The following CAMK4 variants were observed in gnomAD, a reference collection of about 807,000 sequenced individuals.
CAMK4 encodes calcium/calmodulin dependent protein kinase IV, also known as calcium/calmodulin-dependent protein kinase type IV.
In CAMK4, 22 loss-of-function variants were observed where a neutral mutation model predicts 44.9. The observed-to-expected ratio is 0.49, with a 90% confidence interval of 0.35 to 0.70. CAMK4 has a LOEUF of 0.70. Ranked by LOEUF, CAMK4 falls within the 30% of genes least tolerant of loss-of-function variation. The probability of loss-of-function intolerance (pLI) is 0.01; values close to 1 mark genes in which losing one functional copy is unlikely to be tolerated. For missense variants in CAMK4, 498 were observed against 586.8 expected (o/e 0.85, Z 1.56); for synonymous variants, 218 against 215.4 (o/e 1.01, Z -0.11).
chr5:111,301,485 A>G (rs1328732454), intron 1 of CAMK4, among the ~76,000 whole-genome samples: 3 of 152,246 alleles, frequency 2.0e-5, no homozygotes, highest in African/African-American at 4.8e-5. Flanking sequence ...AACTATGTCT[A>G]GTAGGATTAG....
intron 1 of CAMK4, among the ~76,000 whole-genome samples, chr5:111,248,733 T>G (rs1350894439): frequency 6.6e-6 from 1 of 152,176 alleles, no homozygotes; most frequent in Non-Finnish European, 1.5e-5. Flanking sequence ...CAAACAGAGA[T>G]GAGGTTTGCT....
intron 6 of CAMK4, among the ~76,000 whole-genome samples, chr5:111,447,232 G>A (rs532646372): frequency 6.6e-6 from 1 of 152,132 alleles, no homozygotes. Flanking sequence ...TATATGAACA[G>A]AGATAAATTA....
rs147268967 is a variant in CAMK4, at chr5:111,474,598, G to C, written c.701+1212G>C. 4.5e-3 allele frequency among the ~76,000 whole-genome samples: 692 copies of C among 152,142 alleles called. 1 individual carries two copies. The highest frequency in any genetic ancestry group is 7.8e-3 in the Admixed American group (120 of 15,290). ...ATATGGATTTTGGGGTTGGAGGGGG[G>C]AATACAATTCAGTCCGTAGCAGAAT... On this transcript the variant is annotated intron_variant, in intron 8 of 10. Transcript: ENST00000282356.
chr5:111,313,110 C>T (rs1748279320), intron 1 of CAMK4, among the ~76,000 whole-genome samples: 1 of 152,058 alleles, frequency 6.6e-6, no homozygotes, highest in Admixed American at 6.6e-5. Context: ...GTTTCTCAAA[C>T]TCAGCACTGC....
chr5:111,232,646 G>A (rs1748531400), intron 1 of CAMK4, among the ~76,000 whole-genome samples: 1 of 152,102 alleles, frequency 6.6e-6, no homozygotes, highest in Non-Finnish European at 1.5e-5. Context: ...CATTGTGAGA[G>A]AAAAACGTCA....
In CAMK4 at chr5:111,350,463, A is replaced by G. The variant is rs139970092; in HGVS notation, c.240+6361A>G. ...AATGGATACATATTCTCTTATTGCTATCAATAAAATGTAATGTGGCACACA... is the reference window on the plus strand; with the variant it reads ...AATGGATACATATTCTCTTATTGCTGTCAATAAAATGTAATGTGGCACACA... On this transcript the variant is annotated intron_variant, in intron 2 of 10. Coordinates refer to ENST00000282356, the MANE Select transcript of CAMK4 (RefSeq NM_001744.6). Among the ~76,000 whole-genome samples, 273 of 152,128 alleles carry G rather than the reference A, an allele frequency of 1.8e-3. 2 individuals are homozygous for G. The highest frequency in any genetic ancestry group is 6.1e-3 in the African/African-American group (252 of 41,518).
intron 7 of CAMK4, among the ~76,000 whole-genome samples, chr5:111,467,373 C>CAAAAA (rs34201915): frequency 5.3e-3 from 263 of 49,418 alleles, no homozygotes; most frequent in Non-Finnish European, 6.6e-3. Context: ...TTCTGCATAG[C>CAAAAA]AAAAAAAAAA....
In CAMK4 at chr5:111,492,793, A is replaced by T. The variant is rs1202009716; in HGVS notation, c.*8327A>T. ...GCTATCCTCCAGGAGTGAGCTTTGTAGTTGGAGAGAAAAGCCAACCTTATA... is the reference window on the plus strand; with the variant it reads ...GCTATCCTCCAGGAGTGAGCTTTGTTGTTGGAGAGAAAAGCCAACCTTATA... On this transcript the variant is annotated 3_prime_UTR_variant, in exon 11 of 11. Transcript: ENST00000282356. 6.6e-6 allele frequency: 1 copy of T among 152,224 alleles called. No homozygotes were observed. The highest frequency in any genetic ancestry group is 2.1e-4 in the South Asian group (1 of 4,836). The allele number at this position is 152,224 out of a possible 1,614,324, so 9.4% of individuals were successfully genotyped here.
chr5:111,443,277 T>C (rs1028469846), intron 5 of CAMK4, among the ~76,000 whole-genome samples: 598 of 40,804 alleles, frequency 0.015, 4 homozygotes, highest in African/African-American at 0.052. Context: ...TATATATATA[T>C]ATACACACAC....
chr5:111,379,192 A>C (rs1751324637), intron 4 of CAMK4, among the ~76,000 whole-genome samples: 1 of 152,268 alleles, frequency 6.6e-6, no homozygotes, highest in Non-Finnish European at 1.5e-5. Context: ...CACTGAAGCA[A>C]TCATCTACTA....
intron 4 of CAMK4, among the ~76,000 whole-genome samples, chr5:111,390,951 A>G (rs371112): frequency 0.92 from 139,618 of 152,218 alleles, 64,146 homozygotes; most frequent in East Asian, 1. Context: ...AAACACTCAA[A>G]TCTCTCAAAT....
At chr5:111,360,939 A>T (rs1343365458) in intron 2 of CAMK4, among the ~76,000 whole-genome samples, 1 of 152,048 alleles carries the variant, frequency 6.6e-6, no homozygotes, top group Non-Finnish European at 1.5e-5. Flanking sequence ...CTAAACCAAG[A>T]GTATGATTAT....
chr5:111,295,423 CAA>C (rs1275280047), intron 1 of CAMK4, among the ~76,000 whole-genome samples: 3 of 152,144 alleles, frequency 2.0e-5, no homozygotes, highest in Non-Finnish European at 2.9e-5. Context: ...AATTTTGGTT[CAA>C]GTTAGGTTCA....
chr5:111,303,849 G>A (rs1285530485), intron 1 of CAMK4, among the ~76,000 whole-genome samples: 1 of 138,536 alleles, frequency 7.2e-6, no homozygotes, highest in Non-Finnish European at 1.5e-5. Flanking sequence ...CAGAGAGAAA[G>A]GTCGGGTTAC....
At chr5:111,460,603 A>G (rs943903555) in intron 7 of CAMK4, among the ~76,000 whole-genome samples, 5 of 152,110 alleles carry the variant, frequency 3.3e-5, no homozygotes, top group African/African-American at 1.2e-4. Flanking sequence ...TCTACTGAAG[A>G]TATTTTTATG....
intron 2 of CAMK4, among the ~76,000 whole-genome samples, chr5:111,353,810 T>A (rs1040031386): frequency 6.6e-6 from 1 of 152,084 alleles, no homozygotes; most frequent in Non-Finnish European, 1.5e-5. Context: ...AGATCTGTAC[T>A]CTGAAAACTG....
intron 1 of CAMK4, among the ~76,000 whole-genome samples, chr5:111,322,031 A>G (rs1748684570): frequency 6.6e-6 from 1 of 152,064 alleles, no homozygotes; most frequent in African/African-American, 2.4e-5. Flanking sequence ...GTGAGAATCA[A>G]AGGTACTACA....
intron 1 of CAMK4, among the ~76,000 whole-genome samples, chr5:111,271,292 CT>C (rs1293530048): frequency 6.6e-6 from 1 of 152,178 alleles, no homozygotes; most frequent in Non-Finnish European, 1.5e-5. Flanking sequence ...CTTGGGCATG[CT>C]CATGAACTCT....
rs996902563 is a variant in CAMK4 at position 111,493,569 on chromosome 5, T to C, written c.*9103T>C. ...GAATTCTACCTGAAAGTTTAGATTT[T>C]AAAAGACAACCTGTAGGAAGCTAAG... On this transcript the variant is annotated 3_prime_UTR_variant, in exon 11 of 11. Coordinates refer to ENST00000282356, the MANE Select transcript of CAMK4 (RefSeq NM_001744.6). The surrounding 1 kb of genome is among the most constrained non-coding windows in gnomAD (Gnocchi z 4.1). The C allele has an allele frequency of 4.6e-5, 7 of 152,210 alleles. No homozygotes were observed. The highest frequency in any genetic ancestry group is 1.7e-4 in the African/African-American group (7 of 41,460). The allele number at this position is 152,210 out of a possible 1,614,324, so 9.4% of individuals were successfully genotyped here.
Sources: gnomAD v4.1 joint callset for allele counts (sites outside exome capture counted in the v4.1 genomes callset) on GRCh38, gnomAD v4.1.1 for gene constraint, Gnocchi (gnomAD v3.1) non-coding constraint, MANE v1.5 for transcripts, NCBI Gene and HGNC (gene_info 2026-07-23, HGNC 2026-07-21) for gene names.